Variants in CAMKK1 observed in about 807,000 individuals in gnomAD.
The protein encoded by CAMKK1 is calcium/calmodulin-dependent protein kinase kinase 1.
CAMKK1 carries 20 observed loss-of-function variants against 63.5 expected under a neutral mutation model. The ratio of observed to expected loss-of-function variants is 0.32; its 90% CI spans 0.22 to 0.46. CAMKK1 has a LOEUF of 0.46. Among genes scored for constraint, CAMKK1 ranks in the 20% least tolerant of loss-of-function variants. CAMKK1 has a pLI of 1.00. For synonymous variants in CAMKK1, 253 were observed against 269.0 expected, an observed-to-expected ratio of 0.94 and a Z score of 0.58; for missense variants, 588 against 658.1, an observed-to-expected ratio of 0.89 and a Z score of 1.17.
At chr17:3,873,827 C>A (rs529103856) in intron 10 of CAMKK1, among the ~76,000 whole-genome samples, 1 of 152,134 alleles carries the variant, frequency 6.6e-6, no homozygotes, top group Non-Finnish European at 1.5e-5. Flanking sequence ...CTCACTAAAC[C>A]AGCTCGGGCT....
Position 3,883,031 on chromosome 17 carries a change from C to T in CAMKK1, c.648+11G>A. 1 of 1,613,526 alleles carries T rather than the reference C, an allele frequency of 6.2e-7. No individual in the cohort carries two copies. Among genetic ancestry groups the T allele is most frequent in the Non-Finnish European group, 8.5e-7 (1 of 1,179,764 alleles). On this transcript the variant is annotated intron_variant, in intron 6 of 15. Transcript: ENST00000348335. This position sits in a 1 kb window ranked among gnomAD's most constrained non-coding sequence, Gnocchi z 4.7. ...GGTGCTGGTTCCCACCTGCTCACCA[C>T]CACCCCCTACCTCGATCAGTTTGAC...
rs1344895081 is a variant in CAMKK1, at chr17:3,892,224, C to T, written c.-44+715G>A. Among the ~76,000 whole-genome samples the T allele has an allele frequency of 6.6e-6, 1 of 152,140 alleles. No homozygotes were observed. The highest frequency in any genetic ancestry group is 1.5e-5 in the Non-Finnish European group (1 of 68,010). On this transcript the variant is annotated intron_variant, in intron 1 of 15. Coordinates refer to ENST00000348335, the MANE Select transcript of CAMKK1 (RefSeq NM_032294.3). This position sits in a 1 kb window ranked among gnomAD's most constrained non-coding sequence, Gnocchi z 7.5. ...AGCACACCCCCTCCCCTGACAGGCA[C>T]ACGCCCGTGTCCGCGTGACCCGCCC...
chr17:3,867,356 C>T (rs545307050), intron 14 of CAMKK1, among the ~76,000 whole-genome samples: 8 of 152,218 alleles, frequency 5.3e-5, no homozygotes, highest in South Asian at 2.1e-4. Context: ...GGACGGTGCA[C>T]GAGCCCCGCA....
rs753512 is a variant in CAMKK1, at chr17:3,890,153, G to A, written c.-44+2786C>T. 0.27 allele frequency among the ~76,000 whole-genome samples: 40,891 copies of A among 152,182 alleles called. 5,715 individuals are homozygous for A. The highest frequency in any genetic ancestry group is 0.31 in the Non-Finnish European group (21,170 of 67,974). ...CACTGGAGCTGTGTTTATGATCCTGGCGAGTATCTGGATGGCCCTGGCAAC... is the reference window on the plus strand; with the variant it reads ...CACTGGAGCTGTGTTTATGATCCTGACGAGTATCTGGATGGCCCTGGCAAC... On this transcript the variant is annotated intron_variant, in intron 1 of 15. Transcript: ENST00000348335. The surrounding 1 kb of genome is among the most constrained non-coding windows in gnomAD (Gnocchi z 6.5).
Position 3,883,260 on chromosome 17 carries a change from T to G in CAMKK1, c.515-85A>C. 1 of 1,571,062 alleles carries G rather than the reference T, an allele frequency of 6.4e-7. No individual in the cohort carries two copies. The highest frequency in any genetic ancestry group is 1.7e-5 in the Admixed American group (1 of 59,034). ...CCAAACCAGTCTCAAGCAAGAGTCT[T>G]GCATGCCCGTGGTCTTGTCCCAACC... is the stretch of plus-strand genomic sequence containing the variant. On this transcript the variant is annotated intron_variant, in intron 5 of 15. Transcript: ENST00000348335. The surrounding 1 kb of genome is among the most constrained non-coding windows in gnomAD (Gnocchi z 4.7).
chr17:3,891,705 G>A (rs972454506), intron 1 of CAMKK1, among the ~76,000 whole-genome samples: 5 of 152,148 alleles, frequency 3.3e-5, no homozygotes, highest in African/African-American at 7.2e-5. Flanking sequence ...AGAGGAGGTG[G>A]CACCTGAGCT....
chr17:3,878,121 C>A (rs1430361514), intron 9 of CAMKK1, among the ~76,000 whole-genome samples: 2 of 152,204 alleles, frequency 1.3e-5, no homozygotes, highest in Non-Finnish European at 2.9e-5. Flanking sequence ...CAGCTTCTCA[C>A]ATCTATTCCA....
At position 3,865,950 on chromosome 17, in the gene CAMKK1, C is replaced by A; in HGVS notation, c.1403G>T (p.Arg468Leu). The A allele has an allele frequency of 3.7e-6, 6 of 1,614,224 alleles. No homozygotes were observed. The highest frequency in any genetic ancestry group is 5.1e-6 in the Non-Finnish European group (6 of 1,180,038). ...AGCAGACATGGATCGCTCTTCCCTC[C>A]GTGCTTGGGGCTCAAACGGGTTCCC... ...SFGNPFEPQA[R>L]REERSMSAPG... Residue 468 changes from arginine to leucine, a missense_variant, in exon 15 of 16, where the codon CGG becomes CTG. Arg to Leu is a moderately radical substitution (Grantham distance 102). Around this residue, in one of 3 missense-constraint regions of CAMKK1, gnomAD observed 226 missense variants for 229.2 expected, o/e 0.99. Coordinates refer to ENST00000348335, the MANE Select transcript of CAMKK1 (RefSeq NM_032294.3).
rs2055484136 is a variant in CAMKK1, at chr17:3,883,026, C to T, written c.648+16G>A. The T allele has an allele frequency of 1.2e-6, 2 of 1,612,940 alleles. No homozygotes were observed. The highest frequency in any genetic ancestry group is 1.3e-5 in the African/African-American group (1 of 74,906). ...ACTCAGGTGCTGGTTCCCACCTGCT[C>T]ACCACCACCCCCTACCTCGATCAGT... On this transcript the variant is annotated intron_variant, in intron 6 of 15. Coordinates refer to ENST00000348335, the MANE Select transcript of CAMKK1 (RefSeq NM_032294.3). The surrounding 1 kb of genome is among the most constrained non-coding windows in gnomAD (Gnocchi z 4.7).
chr17:3,883,925 C>T lies in CAMKK1; in HGVS notation c.421G>A (p.Val141Met), dbSNP rs2055527850. 1 of 1,613,752 alleles carries T rather than the reference C, an allele frequency of 6.2e-7. No homozygotes were observed. The highest frequency in any genetic ancestry group is 1.7e-5 in the Admixed American group (1 of 59,996). ...QSEIGKGAYG[V>M]VRLAYNESED... ...CTTTCGTTGTAGGCCAGCCTCACCACACCGTAGGCACCCTGCAGATAGGCA... is the reference window on the plus strand; with the variant it reads ...CTTTCGTTGTAGGCCAGCCTCACCATACCGTAGGCACCCTGCAGATAGGCA... The change falls in exon 4 of 16, where the codon GTG becomes ATG. Residue 141 changes from valine to methionine, a missense_variant. Val to Met is a conservative substitution (Grantham distance 21). Transcript: ENST00000348335. This position sits in a 1 kb window ranked among gnomAD's most constrained non-coding sequence, Gnocchi z 4.7.
chr17:3,880,247 C>T, intron 9 of CAMKK1, 99 bp downstream of exon 9: 1 of 1,036,040 alleles, frequency 9.7e-7, no homozygotes, highest in Non-Finnish European at 1.5e-6. Context: ...CAGGTCAGCT[C>T]TGACTGACGG....
chr17:3,876,879 T>C (rs1053120729), intron 9 of CAMKK1, among the ~76,000 whole-genome samples: 23 of 149,812 alleles, frequency 1.5e-4, no homozygotes, highest in Non-Finnish European at 4.4e-5. Flanking sequence ...TGCCTCAGCC[T>C]CCCGAGTAGT....
intron 8 of CAMKK1, 45 bp from the exon 9 acceptor site, chr17:3,880,479 C>CA (rs1033163704): frequency 3.9e-6 from 6 of 1,520,350 alleles, no homozygotes; most frequent in Non-Finnish European, 5.4e-6. Flanking sequence ...GAAATCAGGG[C>CA]ACCCGGCCAT....
intron 14 of CAMKK1, among the ~76,000 whole-genome samples, chr17:3,868,840 A>G (rs1364848256): frequency 6.7e-6 from 1 of 149,860 alleles, no homozygotes; most frequent in Non-Finnish European, 1.5e-5. Flanking sequence ...TTTTTAGTAG[A>G]GGTGGGGTTT....
At chr17:3,881,497 A>G (rs928798101) in intron 8 of CAMKK1, 130 bp downstream of exon 8, 2 of 801,636 alleles carry the variant, frequency 2.5e-6, no homozygotes, top group African/African-American at 1.7e-5. Flanking sequence ...TCTCTTATTT[A>G]CCCCTAAGGG....
rs527518812 is a variant in CAMKK1 at position 3,884,261 on chromosome 17, C to T, written c.408+119G>A. 2 of 1,132,808 alleles carry T rather than the reference C, an allele frequency of 1.8e-6. No individual in the cohort carries two copies. Among genetic ancestry groups the T allele is most frequent in the South Asian group, 2.7e-5 (2 of 74,792 alleles). 70.2% of individuals were successfully genotyped at this position (1,132,808 alleles called of 1,614,324 possible). ...ACTTCCCACAGGGCACGAAACTGTC[C>T]TCACCTCCAGGCTAGGACTTGCCTG... On this transcript the variant is annotated intron_variant, in intron 3 of 15. Transcript: ENST00000348335. This position sits in a 1 kb window ranked among gnomAD's most constrained non-coding sequence, Gnocchi z 4.5.
intron 1 of CAMKK1, among the ~76,000 whole-genome samples, chr17:3,888,486 G>C (rs185758216): frequency 1.7e-3 from 258 of 152,356 alleles, no homozygotes; most frequent in Middle Eastern, 6.8e-3. Flanking sequence ...TCGCCTCTGT[G>C]CCTTGGGTTT....
At chr17:3,869,682 T>G in intron 13 of CAMKK1, 67 bp from the exon 14 acceptor site, 1 of 1,610,836 alleles carries the variant, frequency 6.2e-7, no homozygotes, top group Non-Finnish European at 8.5e-7. Flanking sequence ...CCTGGAGGGG[T>G]CCAAAGTCCA....
At chr17:3,864,656 CA>C (rs1360325661) in intron 15 of CAMKK1, among the ~76,000 whole-genome samples, 6 of 152,162 alleles carry the variant, frequency 3.9e-5, no homozygotes, top group South Asian at 2.1e-4. Context: ...ATTCCAGCAT[CA>C]GGGGCCTACA....
Sources: allele counts gnomAD v4.1 joint callset (sites outside exome capture counted in the v4.1 genomes callset), GRCh38; gene constraint gnomAD v4.1.1; regional missense constraint gnomAD v4.1.1; non-coding constraint Gnocchi (gnomAD v3.1); transcripts MANE v1.5; gene names NCBI Gene and HGNC (gene_info 2026-07-23, HGNC 2026-07-21).